CENPP: variants seen among roughly 807,000 people sequenced by gnomAD.
CENPP encodes the protein centromere protein P.
A neutral mutation model predicts 35.6 loss-of-function variants in CENPP; 24 were observed. The observed-to-expected ratio is 0.67, with a 90% CI of 0.49 to 0.95. The LOEUF (loss-of-function observed/expected upper bound fraction) is 0.95. CENPP is among the 40% of genes least tolerant of loss of function. The pLI is 0.00. For missense variants in CENPP, 332 were observed against 345.3 expected (o/e 0.96, Z 0.31); for synonymous variants, 120 against 125.5 (o/e 0.96, Z 0.29).
chr9:92,551,925 G>GTATA (rs143120429), intron 5 of CENPP, among the ~76,000 whole-genome samples: 1,618 of 84,452 alleles, frequency 0.019, 49 homozygotes, highest in East Asian at 0.029. Context: ...TGGTGTGTGT[G>GTATA]TATATATATA....
chr9:92,522,478 G>A, intron 5 of CENPP: 2 of 1,210,214 alleles, frequency 1.7e-6, no homozygotes, highest in Admixed American at 3.2e-5. Context: ...TTATCTTCAT[G>A]GAGATGTTCT....
chr9:92,360,759 C>T (rs967749324), intron 4 of CENPP, among the ~76,000 whole-genome samples: 7 of 152,040 alleles, frequency 4.6e-5, no homozygotes, highest in African/African-American at 1.7e-4. Context: ...GGCTGGAGTG[C>T]AATGGCGTAA....
chr9:92,421,258 A>G (rs1843783980), intron 5 of CENPP, among the ~76,000 whole-genome samples: 2 of 152,144 alleles, frequency 1.3e-5, no homozygotes, highest in African/African-American at 4.8e-5. Context: ...CAGGCTGGTC[A>G]TGAACTTCTG....
intron 5 of CENPP, among the ~76,000 whole-genome samples, chr9:92,515,893 G>A (rs887977201): frequency 6.6e-6 from 1 of 152,130 alleles, no homozygotes; most frequent in East Asian, 1.9e-4. Flanking sequence ...CAGGAGTGCT[G>A]TTTATCCTTC....
chr9:92,608,802 A>G (rs1363446370), intron 5 of CENPP, among the ~76,000 whole-genome samples: 3 of 152,214 alleles, frequency 2.0e-5, no homozygotes, highest in African/African-American at 4.8e-5. Context: ...TTTACAAACT[A>G]AAGGGAGTAA....
rs1850702293 is a variant in CENPP at position 92,593,034 on chromosome 9, A to G, written c.565-18280A>G. Among the ~76,000 whole-genome samples, 1 of 152,204 alleles carries G rather than the reference A, an allele frequency of 6.6e-6. No homozygotes were observed. Among genetic ancestry groups the G allele is most frequent in the African/African-American group, 2.4e-5 (1 of 41,438 alleles). Reference sequence around the variant, plus strand: ...CAGAGAGACTGGAGTAGCTCAGACAACCAGAGCTGCTGGCCCCAGGGCTGG... The same window carrying G: ...CAGAGAGACTGGAGTAGCTCAGACAGCCAGAGCTGCTGGCCCCAGGGCTGG... On this transcript the variant is annotated intron_variant, in intron 5 of 7. Transcript: ENST00000375587. This position sits in a 1 kb window ranked among gnomAD's most constrained non-coding sequence, Gnocchi z 4.1.
intron 5 of CENPP, among the ~76,000 whole-genome samples, chr9:92,387,286 G>GAATT (rs1347433019): frequency 2.0e-5 from 3 of 151,490 alleles, no homozygotes; most frequent in African/African-American, 7.3e-5. Flanking sequence ...TGAGGCAGGA[G>GAATT]AATTGCTTGA....
intron 5 of CENPP, among the ~76,000 whole-genome samples, chr9:92,441,704 A>G (rs1844393899): frequency 6.6e-6 from 1 of 152,208 alleles, no homozygotes; most frequent in Non-Finnish European, 1.5e-5. Context: ...GGTTGCAGTG[A>G]GCCGAGATCG....
intron 5 of CENPP, among the ~76,000 whole-genome samples, chr9:92,428,861 G>A (rs1009804741): frequency 1.2e-4 from 17 of 143,324 alleles, no homozygotes; most frequent in East Asian, 6.3e-4. Context: ...TGGTTTCTGC[G>A]CTGTACCCAC....
chr9:92,468,631 G>A (rs1387700045), intron 5 of CENPP, among the ~76,000 whole-genome samples: 1 of 152,184 alleles, frequency 6.6e-6, no homozygotes, highest in African/African-American at 2.4e-5. Flanking sequence ...TTAAAAGACA[G>A]GTACCATATA....
intron 4 of CENPP, among the ~76,000 whole-genome samples, chr9:92,352,505 G>GTGTGTGTGTGTATATATA: frequency 6.0e-5 from 3 of 49,786 alleles, no homozygotes; most frequent in Non-Finnish European, 9.9e-5. Context: ...GTGTGTGTGT[G>GTGTGTGTGTGTATATATA]TATACATATA....
intron 4 of CENPP, among the ~76,000 whole-genome samples, chr9:92,356,986 A>G (rs1564276267): frequency 6.6e-6 from 1 of 152,232 alleles, no homozygotes; most frequent in Non-Finnish European, 1.5e-5. Flanking sequence ...TAAACTAATA[A>G]TTCTTTAAAA....
chr9:92,441,828 A>G (rs1311504053), intron 5 of CENPP, among the ~76,000 whole-genome samples: 1 of 152,208 alleles, frequency 6.6e-6, no homozygotes, highest in African/African-American at 2.4e-5. Context: ...CCTTATGTGG[A>G]TACTGACTCA....
chr9:92,395,088 A>T (rs1842841144), intron 5 of CENPP, among the ~76,000 whole-genome samples: 1 of 152,068 alleles, frequency 6.6e-6, no homozygotes, highest in Non-Finnish European at 1.5e-5. Context: ...AAATCGTACA[A>T]CATATACGAT....
chr9:92,568,409 A>G (rs1259966592), intron 5 of CENPP, among the ~76,000 whole-genome samples: 1 of 152,220 alleles, frequency 6.6e-6, no homozygotes, highest in Non-Finnish European at 1.5e-5. Flanking sequence ...TGCAAAGGAC[A>G]TGAACTCGTC....
intron 5 of CENPP, among the ~76,000 whole-genome samples, chr9:92,492,163 T>A (rs548088157): frequency 6.6e-6 from 1 of 152,348 alleles, no homozygotes; most frequent in South Asian, 2.1e-4. Flanking sequence ...CATTTTTGCC[T>A]GAAGCACTAT....
intron 5 of CENPP, among the ~76,000 whole-genome samples, chr9:92,433,914 CAG>C (rs934348998): frequency 1.3e-5 from 2 of 151,722 alleles, no homozygotes; most frequent in African/African-American, 4.8e-5. Flanking sequence ...GCCTGGGTGA[CAG>C]AGCAAGACTT....
chr9:92,525,688 C>T (rs1056887665), intron 5 of CENPP, among the ~76,000 whole-genome samples: 1 of 151,926 alleles, frequency 6.6e-6, no homozygotes, highest in Admixed American at 6.6e-5. Flanking sequence ...GTCAGGAGTT[C>T]GAGACCAGCC....
chr9:92,391,376 C>T (rs1842677601), intron 5 of CENPP, among the ~76,000 whole-genome samples: 1 of 152,050 alleles, frequency 6.6e-6, no homozygotes, highest in African/African-American at 2.4e-5. Flanking sequence ...CACTGCACTC[C>T]AGCCTGGGCA....
Sources: allele counts gnomAD v4.1 joint callset (sites outside exome capture counted in the v4.1 genomes callset), GRCh38; gene constraint gnomAD v4.1.1; non-coding constraint Gnocchi (gnomAD v3.1); transcripts MANE v1.5; gene names NCBI Gene and HGNC (gene_info 2026-07-23, HGNC 2026-07-21).